HPSE: variants seen among roughly 807,000 people sequenced by gnomAD.
HPSE encodes endo-glucoronidase.
HPSE carries 48 observed loss-of-function variants against 65.1 expected under a neutral mutation model. The ratio of observed to expected loss-of-function variants is 0.74; its 90% CI spans 0.58 to 0.94. The LOEUF is 0.94. HPSE is among the 40% of genes least tolerant of loss of function. The pLI is 0.00. For missense variants in HPSE, 644 were observed against 637.5 expected (o/e 1.01, Z -0.11); for synonymous variants, 243 against 260.0 (o/e 0.93, Z 0.63).
chr4:83,317,908 C>T (rs1736713569), intron 3 of HPSE, among the ~76,000 whole-genome samples: 1 of 152,132 alleles, frequency 6.6e-6, no homozygotes, highest in Non-Finnish European at 1.5e-5. Context: ...AAATTCCAGT[C>T]AATAATTAAT....
chr4:83,322,792 TGTGTGTGTGTGTGTGTG>T (rs1736969469), intron 1 of HPSE, among the ~76,000 whole-genome samples: 7 of 114,932 alleles, frequency 6.1e-5, no homozygotes, highest in Middle Eastern at 4.5e-3. Flanking sequence ...AGCTTGTTTG[TGTGTGTGTGTGTGTGTG>T]TGTGTGTGTG....
At chr4:83,309,618 A>G (rs1176597082) in intron 6 of HPSE, 123 bp from the exon 7 acceptor site, 1 of 660,986 alleles carries the variant, frequency 1.5e-6, no homozygotes, top group Non-Finnish European at 2.7e-6. Flanking sequence ...AAAAGGTAGA[A>G]GTTCTACTAG....
rs1042793172 is a variant in HPSE at position 83,326,878 on chromosome 4, G to A, written c.228-4514C>T. Among the ~76,000 whole-genome samples, 7 of 152,292 alleles carry A rather than the reference G, an allele frequency of 4.6e-5. No homozygotes were observed. The highest frequency in any genetic ancestry group is 1.7e-4 in the African/African-American group (7 of 41,562). On this transcript the variant is annotated intron_variant, in intron 1 of 11. Transcript: ENST00000311412. This position sits in a 1 kb window ranked among gnomAD's most constrained non-coding sequence, Gnocchi z 4.2. The stretch of plus-strand genomic sequence containing the variant: ...AAGAGACTGGGAAGTGGGAGGAAAC[G>A]AGCACCTGGAAAAGTTGCTGTGGCA...
At position 83,298,281 on chromosome 4, in the gene HPSE, GAA is replaced by G. The variant is rs1427529291; in HGVS notation, c.1472+2677_1472+2678del. ...GAATTAGCAAGCAACAGATTCGGCG[GAA>G]ATGGGGATGCTGGGCAAAATGTATG... On this transcript the variant is annotated intron_variant, in intron 11 of 11. Transcript: ENST00000311412. Among the ~76,000 whole-genome samples, 5 of 152,284 alleles carry G rather than the reference GAA, an allele frequency of 3.3e-5. No individual in the cohort carries two copies. The East Asian group carries it at 9.7e-4, about 29-fold the overall frequency.
intron 5 of HPSE, among the ~76,000 whole-genome samples, chr4:83,310,512 A>G (rs989385401): frequency 1.3e-5 from 2 of 152,028 alleles, no homozygotes; most frequent in African/African-American, 4.8e-5. Context: ...CTACAAAAAA[A>G]TTTTTTTAAA....
intron 11 of HPSE, among the ~76,000 whole-genome samples, chr4:83,297,634 C>T (rs1735782320): frequency 6.6e-6 from 1 of 152,170 alleles, no homozygotes; most frequent in South Asian, 2.1e-4. Context: ...ACATTTTGAC[C>T]TAATGAGACG....
At chr4:83,332,229 C>T (rs960431184) in intron 1 of HPSE, among the ~76,000 whole-genome samples, 16 of 152,238 alleles carry the variant, frequency 1.1e-4, no homozygotes, top group Non-Finnish European at 4.4e-5. Context: ...ACTGTGGACC[C>T]CTACAAAGCT....
At chr4:83,309,137 G>A (rs2126187282) in intron 7 of HPSE, among the ~76,000 whole-genome samples, 186 bp from the exon 8 acceptor site, 1 of 152,260 alleles carries the variant, frequency 6.6e-6, no homozygotes, top group Non-Finnish European at 1.5e-5. Flanking sequence ...AGTAGGCTGT[G>A]GAAGGAACAT....
At chr4:83,317,125 C>T (rs1413381849) in intron 3 of HPSE, among the ~76,000 whole-genome samples, 1 of 152,196 alleles carries the variant, frequency 6.6e-6, no homozygotes, top group African/African-American at 2.4e-5. Flanking sequence ...TCTCGAACTC[C>T]TGACCTCAGG....
chr4:83,302,518 A>G (rs28649799), intron 9 of HPSE, among the ~76,000 whole-genome samples: 21,179 of 151,826 alleles, frequency 0.14, 1,685 homozygotes, highest in African/African-American at 0.2. Context: ...CCTGTAGGGG[A>G]TATCTGTCAA....
At chr4:83,332,021 T>A (rs530657875) in intron 1 of HPSE, among the ~76,000 whole-genome samples, 14 of 152,364 alleles carry the variant, frequency 9.2e-5, no homozygotes. Context: ...TAGCCAAGAC[T>A]AAATGGATTA....
intron 10 of HPSE, among the ~76,000 whole-genome samples, chr4:83,301,929 C>T (rs1329795130): frequency 6.6e-6 from 1 of 152,126 alleles, no homozygotes; most frequent in African/African-American, 2.4e-5. Context: ...TGCACTCCAG[C>T]CTGGGTGACG....
At chr4:83,301,526 G>A (rs946461398) in intron 10 of HPSE, among the ~76,000 whole-genome samples, 1 of 152,164 alleles carries the variant, frequency 6.6e-6, no homozygotes, top group African/African-American at 2.4e-5. Context: ...AGACTGAAAT[G>A]TATAAGAAAA....
intron 2 of HPSE, among the ~76,000 whole-genome samples, chr4:83,320,729 C>T (rs986170318): frequency 3.9e-5 from 6 of 152,208 alleles, no homozygotes; most frequent in African/African-American, 1.4e-4. Flanking sequence ...GCGGCTGGTG[C>T]CTCATCCATC....
At chr4:83,314,672 T>C (rs953496409) in intron 3 of HPSE, among the ~76,000 whole-genome samples, 3 of 152,178 alleles carry the variant, frequency 2.0e-5, no homozygotes, top group Non-Finnish European at 4.4e-5. Context: ...GCATAATAAG[T>C]CCTTCCAATT....
intron 9 of HPSE, among the ~76,000 whole-genome samples, chr4:83,305,140 T>C (rs1736102413): frequency 6.6e-6 from 1 of 152,170 alleles, no homozygotes; most frequent in Non-Finnish European, 1.5e-5. Flanking sequence ...CTGAGAACCT[T>C]GAAGGAGAAG....
intron 9 of HPSE, among the ~76,000 whole-genome samples, chr4:83,304,238 A>G (rs1404215310): frequency 6.6e-6 from 1 of 152,312 alleles, no homozygotes; most frequent in Non-Finnish European, 1.5e-5. Flanking sequence ...TTCTAGTGCC[A>G]TCTCTACACT....
intron 9 of HPSE, among the ~76,000 whole-genome samples, chr4:83,304,416 T>C (rs1736077596): frequency 6.6e-6 from 1 of 152,248 alleles, no homozygotes; most frequent in Non-Finnish European, 1.5e-5. Flanking sequence ...AAATAATCCT[T>C]ATGCCAAAGT....
intron 3 of HPSE, among the ~76,000 whole-genome samples, chr4:83,318,843 C>A (rs540273335): frequency 6.6e-6 from 1 of 152,202 alleles, no homozygotes; most frequent in Non-Finnish European, 1.5e-5. Context: ...TGAGCTAGCC[C>A]TGTGTTTGCA....
Sources: allele counts gnomAD v4.1 joint callset (sites outside exome capture counted in the v4.1 genomes callset), GRCh38; gene constraint gnomAD v4.1.1; non-coding constraint Gnocchi (gnomAD v3.1); transcripts MANE v1.5; gene names NCBI Gene and HGNC (gene_info 2026-07-23, HGNC 2026-07-21).